DZIP3: variants seen among roughly 807,000 people sequenced by gnomAD.
DZIP3 encodes the protein DAZ interacting zinc finger protein 3.
Under a neutral mutation model 162.0 loss-of-function variants are expected in DZIP3, and 118 were observed. The observed-to-expected ratio is 0.73, with a 90% CI of 0.63 to 0.85. The LOEUF (loss-of-function observed/expected upper bound fraction) is 0.85. DZIP3 is among the 40% of genes least tolerant of loss of function. The probability of loss-of-function intolerance (pLI) is 0.00; values close to 1 mark genes in which losing one functional copy is unlikely to be tolerated. For synonymous variants in DZIP3, 438 were observed against 458.6 expected, an observed-to-expected ratio of 0.96 and a Z score of 0.57; for missense variants, 1,331 against 1,407.0, an observed-to-expected ratio of 0.95 and a Z score of 0.86.
chr3:108,607,989 C>T (rs1940474558), intron 2 of DZIP3, 100 bp from the exon 3 acceptor site: 1 of 1,048,006 alleles, frequency 9.5e-7, no homozygotes, highest in East Asian at 2.4e-5. Context: ...ATTTTGGTTA[C>T]ACTTTCAGAC....
intron 18 of DZIP3, among the ~76,000 whole-genome samples, chr3:108,651,379 T>C (rs1163333974): frequency 6.6e-6 from 1 of 151,726 alleles, no homozygotes; most frequent in Non-Finnish European, 1.5e-5. Flanking sequence ...TTTGGAAGAA[T>C]AGAACCCCTT....
At chr3:108,684,128 G>A in intron 26 of DZIP3, 88 bp from the exon 27 acceptor site, 1 of 1,432,586 alleles carries the variant, frequency 7.0e-7, no homozygotes, top group South Asian at 1.5e-5. Context: ...CCGCCATATT[G>A]CTGTATGAAT....
At chr3:108,631,055 A>ACACACTCACTCTCTCTCTCT in intron 8 of DZIP3, among the ~76,000 whole-genome samples, 1 of 18,006 alleles carries the variant, frequency 5.6e-5, no homozygotes, top group Non-Finnish European at 9.0e-5. Context: ...ACACACACAC[A>ACACACTCACTCTCTCTCTCT]CTCTCTCTCT....
rs148454967 is a variant in DZIP3 at position 108,668,741 on chromosome 3, C to CT, written c.2424-939dup. Among the ~76,000 whole-genome samples, 1,190 of 151,996 alleles carry CT rather than the reference C, an allele frequency of 7.8e-3. 24 individuals carry two copies. The highest frequency in any genetic ancestry group is 0.028 in the African/African-American group (1,145 of 41,480). On this transcript the variant is annotated intron_variant, in intron 21 of 32. Coordinates refer to ENST00000361582, the MANE Select transcript of DZIP3 (RefSeq NM_014648.4). ...CCAACAAAACATTAACTATAAGTCT[C>CT]TAAGTCTTCTAAGAAGCTTAGAATA...
chr3:108,597,173 A>G (rs558499923), intron 1 of DZIP3, among the ~76,000 whole-genome samples: 1 of 152,348 alleles, frequency 6.6e-6, no homozygotes. Flanking sequence ...TTTCACAAGT[A>G]TCAAGTATTA....
At chr3:108,655,184 G>A (rs1202525123) in intron 19 of DZIP3, among the ~76,000 whole-genome samples, 3 of 152,144 alleles carry the variant, frequency 2.0e-5, no homozygotes, top group Admixed American at 6.5e-5. Context: ...TTTAAAAAAA[G>A]TTTATTCATT....
intron 9 of DZIP3, 53 bp from the exon 10 acceptor site, chr3:108,634,818 C>A: frequency 9.8e-7 from 1 of 1,017,266 alleles, no homozygotes; most frequent in Non-Finnish European, 1.4e-6. Context: ...TTTTTTTTAT[C>A]TATACAAGAA....
Position 108,661,986 on chromosome 3 carries a change from C to T in DZIP3, c.2295+14C>T. The T allele has an allele frequency of 3.1e-6, 5 of 1,609,344 alleles. No individual in the cohort carries two copies. The highest frequency in any genetic ancestry group is 4.2e-6 in the Non-Finnish European group (5 of 1,176,866). On this transcript the variant is annotated intron_variant, in intron 20 of 32. Transcript: ENST00000361582. ...TATCAGTGTGAAGTAAGTATTTTTG[C>T]CATTAGATCTGATGGAAGTGAGAAG...
intron 5 of DZIP3, among the ~76,000 whole-genome samples, chr3:108,622,264 A>G (rs1328701993): frequency 5.9e-5 from 9 of 152,122 alleles, no homozygotes; most frequent in Non-Finnish European, 1.2e-4. Flanking sequence ...ACAGTGGTGA[A>G]TTCTTTAGCA....
chr3:108,676,306 C>G (rs1350515025), intron 25 of DZIP3, among the ~76,000 whole-genome samples: 2 of 152,002 alleles, frequency 1.3e-5, no homozygotes, highest in South Asian at 2.1e-4. Context: ...GAGTGAGACT[C>G]TCTCTAAAAC....
chr3:108,616,781 G>A, intron 5 of DZIP3, 124 bp downstream of exon 5: 1 of 648,712 alleles, frequency 1.5e-6, no homozygotes, highest in Non-Finnish European at 2.7e-6. Context: ...TTTACCTCTA[G>A]AAAAGGGTAT....
intron 23 of DZIP3, among the ~76,000 whole-genome samples, chr3:108,673,506 T>G (rs1407938125): frequency 6.6e-6 from 1 of 151,992 alleles, no homozygotes; most frequent in Admixed American, 6.6e-5. Flanking sequence ...AACAGTGTAT[T>G]TTAGTGAATA....
At chr3:108,622,104 G>T (rs939003183) in intron 5 of DZIP3, among the ~76,000 whole-genome samples, 1 of 152,024 alleles carries the variant, frequency 6.6e-6, no homozygotes, top group African/African-American at 2.4e-5. Flanking sequence ...AGGTCATTAT[G>T]TGAAGTGAAA....
At chr3:108,635,322 A>G in intron 10 of DZIP3, 1 of 263,486 alleles carries the variant, frequency 3.8e-6, no homozygotes, top group East Asian at 1.1e-4. Flanking sequence ...GGATCATAGA[A>G]TAGAATTTCT....
At chr3:108,635,003 C>A in intron 10 of DZIP3, 31 bp downstream of exon 10, 1 of 1,315,550 alleles carries the variant, frequency 7.6e-7, no homozygotes, top group Non-Finnish European at 1.1e-6. Flanking sequence ...ACTACAACAG[C>A]ATTTCTTCCT....
intron 21 of DZIP3, 110 bp from the exon 22 acceptor site, chr3:108,669,571 C>A: frequency 1.1e-6 from 1 of 870,968 alleles, no homozygotes; most frequent in Non-Finnish European, 1.7e-6. Flanking sequence ...AGATTTGTGG[C>A]CCCAAATGGA....
intron 9 of DZIP3, among the ~76,000 whole-genome samples, chr3:108,634,323 C>A (rs147907618): frequency 3.2e-4 from 48 of 152,228 alleles, no homozygotes; most frequent in African/African-American, 1.1e-3. Flanking sequence ...AATACCTGGG[C>A]ACACAATTTA....
intron 1 of DZIP3, chr3:108,590,224 A>G (rs577159874): frequency 1.3e-5 from 2 of 152,340 alleles, no homozygotes; most frequent in South Asian, 2.1e-4. Flanking sequence ...ATGTGTATGT[A>G]ATGAAGCGAG....
chr3:108,629,380 G>A lies in DZIP3; in HGVS notation c.696+204G>A, dbSNP rs1401488524. Among the ~76,000 whole-genome samples the A allele has an allele frequency of 4.6e-5, 7 of 152,156 alleles. No homozygotes were observed. In the East Asian group the frequency reaches 7.7e-4, roughly 17 times the overall value. ...CAGTGTTAACATTTTCAAATAATGAGAAGATTAATAATGATACTAGGCCAG... is the reference window on the plus strand; with the variant it reads ...CAGTGTTAACATTTTCAAATAATGAAAAGATTAATAATGATACTAGGCCAG... On this transcript the variant is annotated intron_variant, in intron 8 of 32. Coordinates refer to ENST00000361582, the MANE Select transcript of DZIP3 (RefSeq NM_014648.4).
Sources: gnomAD v4.1 joint callset for allele counts (sites outside exome capture counted in the v4.1 genomes callset) on GRCh38, gnomAD v4.1.1 for gene constraint, MANE v1.5 for transcripts, NCBI Gene and HGNC (gene_info 2026-07-23, HGNC 2026-07-21) for gene names.